The following ARMCX4 variants were observed in gnomAD, a reference collection of about 807,000 sequenced individuals.
ARMCX4 encodes the protein armadillo repeat-containing X-linked protein 4.
ARMCX4 carries 3 observed loss-of-function variants against 34.7 expected under a neutral mutation model. The observed-to-expected ratio is 0.09, with a 90% confidence interval of 0.04 to 0.22. The LOEUF (loss-of-function observed/expected upper bound fraction) is 0.22, where lower values mean the gene tolerates loss of function less well. Ranked by LOEUF, ARMCX4 falls within the 10% of genes least tolerant of loss-of-function variation. The probability of loss-of-function intolerance (pLI) is 1.00; values close to 1 mark genes in which losing one functional copy is unlikely to be tolerated. For synonymous variants in ARMCX4, 513 were observed against 632.8 expected, an observed-to-expected ratio of 0.81 and a Z score of 2.84; for missense variants, 1,448 against 1,720.8, an observed-to-expected ratio of 0.84 and a Z score of 2.81.
rs782734951 is a variant in ARMCX4, at chrX:101,492,972, A to T, written c.4383A>T (p.Pro1461=). The T allele has an allele frequency of 6.1e-6, 7 of 1,151,923 alleles. No homozygotes were observed. In the African/African-American group the frequency reaches 1.3e-4, roughly 21 times the overall value. 94.9% of individuals were successfully genotyped at this position (1,151,923 alleles called of 1,213,427 possible). A position where few individuals can be genotyped will look rare whatever the true frequency, so the allele number is the denominator to read the frequency against. Residue 1461 remains proline (P), a synonymous_variant, in exon 6 of 6, where the codon CCA becomes CCT. Coordinates refer to ENST00000423738, the MANE Select transcript of ARMCX4 (RefSeq NM_001256155.3). ...TGAGHPASVG[P]KPIFEDQVSG... ...CTGGGCATCCAGCTAGTGTTGGGCC[A>T]AAGCCTATATTTGAGGATCAGGTCA...
chrX:101,471,573 G>C (rs1449947040), intron 4 of ARMCX4, among the ~76,000 whole-genome samples: 1 of 112,031 alleles, frequency 8.9e-6, no homozygotes, highest in Non-Finnish European at 1.9e-5. Context: ...TAGCTTTGAA[G>C]AGAGCAGTGG....
At chrX:101,425,607 C>G (rs781815433) in intron 2 of ARMCX4, among the ~76,000 whole-genome samples, 101 of 109,869 alleles carry the variant, frequency 9.2e-4, no homozygotes, top group African/African-American at 3.1e-3. Context: ...GTTAGCCAGG[C>G]TGGTCTTGAA....
intron 2 of ARMCX4, among the ~76,000 whole-genome samples, chrX:101,420,452 C>A (rs1555989850): frequency 8.9e-6 from 1 of 112,047 alleles, no homozygotes; most frequent in Non-Finnish European, 1.9e-5. Context: ...CTATTAAGTT[C>A]CTGTCCTCAA....
chrX:101,435,214 C>G (rs1555994125), intron 2 of ARMCX4, among the ~76,000 whole-genome samples: 1 of 112,033 alleles, frequency 8.9e-6, no homozygotes, highest in East Asian at 2.8e-4. Flanking sequence ...AATCGCCACA[C>G]TGACTTCCAC....
rs1556008081 is a variant in ARMCX4, at chrX:101,489,757, G to A, written c.1168G>A (p.Ala390Thr). ...GGGAAATACCAATGTCATATCTAAG[G>A]CAATAACTGGAGCTGACATGAGAGC... ...GRGNTNVISK[A>T]ITGADMRAAA... The change falls in exon 6 of 6, where the codon GCA (alanine) becomes ACA (threonine). Residue 390 changes from alanine to threonine, a missense_variant. By Grantham distance (58) the Ala-to-Thr change is moderately conservative. Around this residue, in one of 2 missense-constraint regions of ARMCX4, gnomAD observed 1,343 missense variants for 1,540.7 expected, o/e 0.87. Transcript: ENST00000423738. 3 of 1,155,359 alleles carry A rather than the reference G, an allele frequency of 2.6e-6. No individual in the cohort carries two copies. In the East Asian group the frequency reaches 9.8e-5, roughly 38 times the overall value.
At position 101,454,507 on chromosome X, in the gene ARMCX4, C is replaced by G. The variant is rs782292561; in HGVS notation, c.-473+8463C>G. Among the ~76,000 whole-genome samples, 4 of 107,598 alleles carry G rather than the reference C, an allele frequency of 3.7e-5. No homozygotes were observed. The South Asian group carries it at 1.3e-3, about 34-fold the overall frequency. 93.4% of individuals were successfully genotyped at this position (107,598 alleles called of 115,157 possible). On this transcript the variant is annotated intron_variant and NMD_transcript_variant, in intron 4 of 15. Coordinates refer to the ARMCX4 transcript ENST00000433011. ...TTCACCATGTTAGCCAGGATGGTCTCGATCTCCTGACCTCGTGATCCGCCC... is the reference window on the plus strand; with the variant it reads ...TTCACCATGTTAGCCAGGATGGTCTGGATCTCCTGACCTCGTGATCCGCCC...
intron 2 of ARMCX4, among the ~76,000 whole-genome samples, chrX:101,433,383 T>C (rs904326777): frequency 9.1e-6 from 1 of 109,943 alleles, no homozygotes; most frequent in African/African-American, 3.3e-5. Flanking sequence ...TGTACATATA[T>C]GTACATATAT....
intron 2 of ARMCX4, among the ~76,000 whole-genome samples, chrX:101,423,084 A>G (rs1569311079): frequency 9.3e-6 from 1 of 107,085 alleles, no homozygotes; most frequent in Non-Finnish European, 1.9e-5. Context: ...TAATCTTTGT[A>G]TTTTTACTAG....
At chrX:101,531,875 T>A (rs1935136824) in exon 12 of ARMCX4, 1 of 112,027 alleles carries the variant, frequency 8.9e-6, no homozygotes, top group African/African-American at 3.2e-5. Context: ...TGGAAATGAA[T>A]ATGTATTTTA....
downstream of ARMCX4, among the ~76,000 whole-genome samples, chrX:101,533,732 C>G (rs1440938081): frequency 9.0e-6 from 1 of 111,729 alleles, no homozygotes; most frequent in African/African-American, 3.2e-5. Context: ...TAACAAGAAG[C>G]CTTTCATGTT....
chrX:101,492,091 G>A lies in ARMCX4; in HGVS notation c.3502G>A (p.Gly1168Arg), dbSNP rs1389828344. The change falls in exon 6 of 6, where the codon GGG becomes AGG. Residue 1168 changes from glycine to arginine, a missense_variant. Around this residue, in one of 2 missense-constraint regions of ARMCX4, gnomAD observed 1,343 missense variants for 1,540.7 expected, o/e 0.87. Transcript: ENST00000423738. ...TGAGACCAGTGTTAAGTCCTGGGCT[G>A]GGGCCAGGGCTGAGAATGTGGTTGG... Reference protein sequence around the residue: ...CDETSVKSWAGARAENVVGIG... With the variant: ...CDETSVKSWARARAENVVGIG... 2 of 1,149,967 alleles carry A rather than the reference G, an allele frequency of 1.7e-6. No individual in the cohort carries two copies. Among genetic ancestry groups the A allele is most frequent in the African/African-American group, 1.8e-5 (1 of 55,492 alleles). 94.8% of individuals were successfully genotyped at this position (1,149,967 alleles called of 1,213,427 possible).
Position 101,505,109 on chromosome X carries a change from T to A in ARMCX4, c.*1350T>A, listed in dbSNP as rs1373063782. 3 of 111,277 alleles carry A rather than the reference T, an allele frequency of 2.7e-5. No individual in the cohort carries two copies. The Admixed American group carries it at 2.9e-4, about 11-fold the overall frequency. The allele number at this position is 111,277 out of a possible 1,213,427, so 9.2% of individuals were successfully genotyped here. ...AGGTGGTACCCTTAAGAGGCATTTG[T>A]GTCATGGGGAATCTCTCCTGATGAG... On this transcript the variant is annotated 3_prime_UTR_variant and NMD_transcript_variant, in exon 8 of 13. Coordinates refer to the ARMCX4 transcript ENST00000354842.
At chrX:101,450,021 G>A (rs782015327), downstream of ARMCX4, among the ~76,000 whole-genome samples, 1 of 112,113 alleles carries the variant, frequency 8.9e-6, no homozygotes, top group South Asian at 3.7e-4. Context: ...TTACCCGGAA[G>A]AGACTCTTTT....
downstream of ARMCX4, among the ~76,000 whole-genome samples, chrX:101,535,940 A>C (rs1240882569): frequency 9.0e-6 from 1 of 111,402 alleles, no homozygotes; most frequent in African/African-American, 3.3e-5. Flanking sequence ...GTATTCTACT[A>C]TGTGTTACAT....
intron 4 of ARMCX4, among the ~76,000 whole-genome samples, chrX:101,480,179 T>C (rs868968580): frequency 1.3e-4 from 13 of 100,022 alleles, no homozygotes; most frequent in African/African-American, 4.2e-4. Context: ...CACACACATA[T>C]ATATGCAATG....
At chrX:101,434,562 T>TA (rs1555993754) in intron 2 of ARMCX4, among the ~76,000 whole-genome samples, 1 of 111,828 alleles carries the variant, frequency 8.9e-6, no homozygotes, top group Non-Finnish European at 1.9e-5. Flanking sequence ...AGAGTATTCT[T>TA]AAAAAACATC....
chrX:101,420,943 A>G, intron 2 of ARMCX4, among the ~76,000 whole-genome samples: 1 of 112,205 alleles, frequency 8.9e-6, no homozygotes, highest in Non-Finnish European at 1.9e-5. Flanking sequence ...CATGCCTGTA[A>G]TCCCAGCACT....
At chrX:101,523,660 A>C (rs946395329) in intron 11 of ARMCX4, among the ~76,000 whole-genome samples, 1 of 111,523 alleles carries the variant, frequency 9.0e-6, no homozygotes, top group Non-Finnish European at 1.9e-5. Context: ...AACAACAACA[A>C]TCTCCAGGGT....
At chrX:101,521,486 T>C (rs1934852727) in intron 11 of ARMCX4, among the ~76,000 whole-genome samples, 1 of 110,987 alleles carries the variant, frequency 9.0e-6, no homozygotes, top group African/African-American at 3.3e-5. Flanking sequence ...GTCAATTTTG[T>C]TGATCTTTTT....
Sources: gnomAD v4.1 joint callset for allele counts (sites outside exome capture counted in the v4.1 genomes callset) on GRCh38, gnomAD v4.1.1 for gene constraint, gnomAD v4.1.1 regional missense constraint, MANE v1.5 for transcripts, NCBI Gene and HGNC (gene_info 2026-07-23, HGNC 2026-07-21) for gene names.